Variants in TMEM135 observed in about 807,000 individuals in gnomAD.
TMEM135 encodes the protein peroxisomal membrane protein 52.
A neutral mutation model predicts 60.3 loss-of-function variants in TMEM135; 30 were observed. That is an observed-to-expected ratio of 0.50 (90% CI 0.37 to 0.68). The LOEUF (loss-of-function observed/expected upper bound fraction) is 0.68, where lower values mean the gene tolerates loss of function less well. Among genes scored for constraint, TMEM135 ranks in the 30% least tolerant of loss-of-function variants. TMEM135 has a pLI of 0.00. For synonymous variants in TMEM135, 190 were observed against 186.7 expected (o/e 1.02, Z -0.14); for missense variants, 468 against 548.8 (o/e 0.85, Z 1.47).
In TMEM135 at chr11:87,328,407, G is replaced by C. The variant is rs1396805216; in HGVS notation, c.*7074G>C. 3 of 453,864 alleles carry C rather than the reference G, an allele frequency of 6.6e-6. No homozygotes were observed. Among genetic ancestry groups the C allele is most frequent in the African/African-American group, 6.0e-5 (3 of 49,970 alleles). The allele number at this position is 453,864 out of a possible 1,614,324, so 28.1% of individuals were successfully genotyped here. A position where few individuals can be genotyped will look rare whatever the true frequency, so the allele number is the denominator to read the frequency against. ...TTTGGGGTACAAGTGGTTTTTGGTT[G>C]CATGGATGAATTGTATATTGGTGAA... On this transcript the variant is annotated 3_prime_UTR_variant, in exon 15 of 15. Coordinates refer to ENST00000305494, the MANE Select transcript of TMEM135 (RefSeq NM_022918.4).
At chr11:87,282,257 AT>A (rs67470297) in intron 6 of TMEM135, among the ~76,000 whole-genome samples, 55,043 of 148,356 alleles carry the variant, frequency 0.37, 10,620 homozygotes, top group Non-Finnish European at 0.44. Flanking sequence ...ACATTGGTTC[AT>A]TTTTTTTTTT....
At chr11:87,310,752 C>G (rs535376646) in intron 10 of TMEM135, among the ~76,000 whole-genome samples, 1 of 151,926 alleles carries the variant, frequency 6.6e-6, no homozygotes, top group Non-Finnish European at 1.5e-5. Context: ...ATACCGTGAT[C>G]TTTGAACTCC....
At chr11:87,231,909 A>T (rs545718732) in intron 5 of TMEM135, among the ~76,000 whole-genome samples, 2 of 152,032 alleles carry the variant, frequency 1.3e-5, no homozygotes, top group African/African-American at 4.8e-5. Flanking sequence ...ACCTGAAGAC[A>T]TAAGAATAGA....
At chr11:87,111,501 A>T (rs1309552664) in intron 4 of TMEM135, among the ~76,000 whole-genome samples, 1 of 151,558 alleles carries the variant, frequency 6.6e-6, no homozygotes, top group African/African-American at 2.4e-5. Flanking sequence ...CAAAAAAAAA[A>T]TTAGCCAGGC....
At chr11:87,266,739 C>A (rs2135406437) in intron 6 of TMEM135, among the ~76,000 whole-genome samples, 1 of 152,294 alleles carries the variant, frequency 6.6e-6, no homozygotes, top group East Asian at 1.9e-4. Flanking sequence ...AAGCAGGAGG[C>A]AGGGTCTTTG....
intron 1 of TMEM135, among the ~76,000 whole-genome samples, chr11:87,040,868 T>G (rs1000588716): frequency 3.9e-5 from 6 of 152,136 alleles, no homozygotes; most frequent in Non-Finnish European, 7.4e-5. Flanking sequence ...CGGTGGCACT[T>G]AAGAGTGAAG....
intron 4 of TMEM135, among the ~76,000 whole-genome samples, chr11:87,148,997 A>G (rs1938484127): frequency 6.6e-6 from 1 of 151,796 alleles, no homozygotes; most frequent in South Asian, 2.1e-4. Context: ...ACGTTTTAAA[A>G]ATTTTCTAAC....
At chr11:87,277,386 C>T in intron 6 of TMEM135, 1 of 279,864 alleles carries the variant, frequency 3.6e-6, no homozygotes, top group Non-Finnish European at 7.4e-6. Flanking sequence ...CTGCCTTGGC[C>T]TCCCAAAGTG....
intron 4 of TMEM135, among the ~76,000 whole-genome samples, chr11:87,136,506 C>A (rs576082083): frequency 2.7e-4 from 41 of 152,152 alleles, no homozygotes; most frequent in African/African-American, 9.4e-4. Context: ...CAACACTGCC[C>A]TCATAAGAAT....
chr11:87,244,016 A>G (rs1269232408), intron 6 of TMEM135, among the ~76,000 whole-genome samples: 1 of 87,168 alleles, frequency 1.1e-5, no homozygotes, highest in African/African-American at 4.4e-5. Context: ...TTATTTTGAG[A>G]TACGTCCCAT....
intron 4 of TMEM135, among the ~76,000 whole-genome samples, chr11:87,112,232 T>G (rs545007516): frequency 2.0e-5 from 3 of 152,324 alleles, no homozygotes; most frequent in Non-Finnish European, 4.4e-5. Flanking sequence ...TCATTTTATG[T>G]GACTTTGGTC....
intron 3 of TMEM135, among the ~76,000 whole-genome samples, chr11:87,078,239 A>G (rs376393940): frequency 6.6e-6 from 1 of 152,148 alleles, no homozygotes; most frequent in African/African-American, 2.4e-5. Flanking sequence ...TTTGGCTATC[A>G]CTTGTTATTA....
intron 6 of TMEM135, among the ~76,000 whole-genome samples, chr11:87,280,190 T>C (rs1942035224): frequency 1.3e-5 from 2 of 152,232 alleles, no homozygotes; most frequent in Non-Finnish European, 2.9e-5. Context: ...CTTTCAAAAA[T>C]TCAGCGTGTA....
At chr11:87,235,325 T>C (rs1044768233) in intron 5 of TMEM135, among the ~76,000 whole-genome samples, 3 of 151,656 alleles carry the variant, frequency 2.0e-5, no homozygotes, top group Non-Finnish European at 4.4e-5. Flanking sequence ...TATGTGTGTT[T>C]AGCACAGAAA....
At chr11:87,091,429 C>T (rs1375560311) in intron 4 of TMEM135, 34 bp downstream of exon 4, 1 of 1,602,314 alleles carries the variant, frequency 6.2e-7, no homozygotes, top group Admixed American at 1.7e-5. Context: ...GATGTCTTCC[C>T]ATAAGCTATA....
intron 3 of TMEM135, among the ~76,000 whole-genome samples, chr11:87,085,960 C>T (rs1026410): frequency 0.14 from 21,252 of 152,014 alleles, 1,580 homozygotes; most frequent in Non-Finnish European, 0.16. Context: ...ATGGTATCTG[C>T]CTTACACTTC....
At chr11:87,195,479 T>A (rs903529834) in intron 5 of TMEM135, among the ~76,000 whole-genome samples, 3 of 151,778 alleles carry the variant, frequency 2.0e-5, no homozygotes, top group Non-Finnish European at 2.9e-5. Flanking sequence ...CAGGCTGGAG[T>A]GCAATGGCAT....
intron 1 of TMEM135, among the ~76,000 whole-genome samples, chr11:87,057,286 C>G (rs986590995): frequency 6.6e-6 from 1 of 152,108 alleles, no homozygotes; most frequent in Non-Finnish European, 1.5e-5. Context: ...GCTTAATGGT[C>G]ATCGCTAAAG....
chr11:87,309,523 A>T lies in TMEM135; in HGVS notation c.787A>T (p.Ser263Cys). 1 of 1,613,800 alleles carries T rather than the reference A, an allele frequency of 6.2e-7. No individual in the cohort carries two copies. Residue 263 changes from serine (S) to cysteine (C), a missense_variant, in exon 10 of 15, where the codon AGC becomes TGC. By Grantham distance (112) the Ser-to-Cys change is moderately radical. Coordinates refer to ENST00000305494, the MANE Select transcript of TMEM135 (RefSeq NM_022918.4). ...YCIKGFIRMF[S>C]VGYLIQCCLR... ...CCTCTAGGGTTTCATCAGAATGTTT[A>T]GCGTGGGGTACTTGATCCAGTGCTG...
Sources: gnomAD v4.1 joint callset for allele counts (sites outside exome capture counted in the v4.1 genomes callset) on GRCh38, gnomAD v4.1.1 for gene constraint, MANE v1.5 for transcripts, NCBI Gene and HGNC (gene_info 2026-07-23, HGNC 2026-07-21) for gene names.